The following NT5DC3 variants were observed in gnomAD, a reference collection of about 807,000 sequenced individuals.
The protein encoded by NT5DC3 is 5'-nucleotidase domain-containing protein 3.
NT5DC3 carries 42 observed loss-of-function variants against 67.8 expected under a neutral mutation model. The ratio of observed to expected loss-of-function variants is 0.62; its 90% CI spans 0.48 to 0.80. The LOEUF is 0.80. Ranked by LOEUF, NT5DC3 falls within the 30% of genes least tolerant of loss-of-function variation. The pLI is 0.00. For missense variants in NT5DC3, 570 were observed against 696.4 expected (o/e 0.82, Z 2.04); for synonymous variants, 237 against 255.6 (o/e 0.93, Z 0.69).
the NT5DC3 span, among the ~76,000 whole-genome samples, chr12:103,765,198 G>A: frequency 6.6e-6 from 1 of 151,182 alleles, no homozygotes; most frequent in Non-Finnish European, 1.5e-5. Flanking sequence ...AGAAACAAAT[G>A]CATACATCCT....
chr12:103,820,966 C>T (rs1164181616), intron 1 of NT5DC3: 1 of 152,360 alleles, frequency 6.6e-6, no homozygotes, highest in African/African-American at 2.4e-5. Context: ...ACTTTCCAGA[C>T]ACATGGGGAG....
intron 1 of NT5DC3, among the ~76,000 whole-genome samples, chr12:103,821,237 G>A (rs980017531): frequency 1.3e-5 from 2 of 152,218 alleles, no homozygotes; most frequent in Admixed American, 6.5e-5. Context: ...ATTTGTTATA[G>A]CTGTCTGTAA....
At chr12:103,805,664 G>A (rs1228065699) in intron 4 of NT5DC3, among the ~76,000 whole-genome samples, 1 of 151,868 alleles carries the variant, frequency 6.6e-6, no homozygotes, top group African/African-American at 2.4e-5. Flanking sequence ...TGGCTAATAT[G>A]GTGAAACCCT....
chr12:103,815,731 G>A (rs185357031), intron 1 of NT5DC3, among the ~76,000 whole-genome samples: 1 of 152,186 alleles, frequency 6.6e-6, no homozygotes, highest in Non-Finnish European at 1.5e-5. Context: ...CAATGGTGAT[G>A]GTTGAACACC....
chr12:103,759,357 C>A, the NT5DC3 span: 1 of 1,534,822 alleles, frequency 6.5e-7, no homozygotes, highest in South Asian at 1.2e-5. Context: ...TAATAGATGG[C>A]AACTATTATG....
At chr12:103,821,197 C>CA (rs1393290196) in intron 1 of NT5DC3, among the ~76,000 whole-genome samples, 1 of 152,218 alleles carries the variant, frequency 6.6e-6, no homozygotes, top group Non-Finnish European at 1.5e-5. Context: ...TGGGGGTCCC[C>CA]CAGTAGACTC....
intron 4 of NT5DC3, among the ~76,000 whole-genome samples, chr12:103,801,372 C>CCTTTT (rs1886567309): frequency 3.8e-5 from 3 of 78,946 alleles, no homozygotes; most frequent in African/African-American, 1.6e-4. Context: ...TTGGGGTGGG[C>CCTTTT]TTTTTTTTTT....
chr12:103,766,260 C>A (rs763854938), downstream of NT5DC3: 2 of 1,613,936 alleles, frequency 1.2e-6, no homozygotes, highest in East Asian at 2.2e-5. Flanking sequence ...GAATGCCCTG[C>A]CCCCTTACAA....
chr12:103,757,028 T>A, the NT5DC3 span, among the ~76,000 whole-genome samples: 1 of 143,508 alleles, frequency 7.0e-6, no homozygotes, highest in African/African-American at 2.6e-5. Context: ...TATATATATA[T>A]ATAAAATATA....
At chr12:103,763,526 A>G in the NT5DC3 span, 2 of 1,614,130 alleles carry the variant, frequency 1.2e-6, no homozygotes, top group Non-Finnish European at 1.7e-6. Flanking sequence ...GCTCTTGGCA[A>G]GCAGCAGCCT....
At chr12:103,762,271 C>CA in the NT5DC3 span, 1 of 1,614,034 alleles carries the variant, frequency 6.2e-7, no homozygotes, top group Non-Finnish European at 8.5e-7. Flanking sequence ...TCTTTGTGTT[C>CA]AGACCTTGAC....
At chr12:103,821,979 A>G (rs1051304739) in intron 1 of NT5DC3, 7 of 152,362 alleles carry the variant, frequency 4.6e-5, no homozygotes, top group Admixed American at 1.3e-4. Context: ...AACACCAATC[A>G]GCTATGTGAA....
chr12:103,762,686 G>A, the NT5DC3 span, among the ~76,000 whole-genome samples: 2 of 152,182 alleles, frequency 1.3e-5, no homozygotes, highest in Non-Finnish European at 2.9e-5. Flanking sequence ...TTGGCCTGGA[G>A]GCACATTCAC....
chr12:103,750,560 T>C, the NT5DC3 span: 4 of 1,612,716 alleles, frequency 2.5e-6, no homozygotes, highest in Non-Finnish European at 3.4e-6. Flanking sequence ...TTTCATCTCT[T>C]CCCACTCTCC....
At chr12:103,771,926 CTAGT>C (rs1232057031), downstream of NT5DC3, among the ~76,000 whole-genome samples, 1 of 152,058 alleles carries the variant, frequency 6.6e-6, no homozygotes, top group African/African-American at 2.4e-5. Context: ...GACAGATTTG[CTAGT>C]GAGTCCACCA....
At chr12:103,762,148 A>C in the NT5DC3 span, 1 of 1,320,748 alleles carries the variant, frequency 7.6e-7, no homozygotes, top group Non-Finnish European at 1.0e-6. Context: ...AATAAGGGCC[A>C]GATACATGTT....
chr12:103,826,671 T>C (rs1315290904), intron 1 of NT5DC3, among the ~76,000 whole-genome samples: 1 of 152,248 alleles, frequency 6.6e-6, no homozygotes, highest in Non-Finnish European at 1.5e-5. Flanking sequence ...TATTGTACTG[T>C]TGTCAATCAC....
chr12:103,755,787 T>G, the NT5DC3 span: 2 of 1,477,270 alleles, frequency 1.4e-6, no homozygotes. Context: ...ATTAGAGGGG[T>G]GAGGCCTTAA....
At chr12:103,769,880 G>C (rs576672177), downstream of NT5DC3, among the ~76,000 whole-genome samples, 1 of 152,358 alleles carries the variant, frequency 6.6e-6, no homozygotes, top group South Asian at 2.1e-4. Flanking sequence ...CATGTGAGAG[G>C]AGTGACCAGG....
Sources: allele counts gnomAD v4.1 joint callset (sites outside exome capture counted in the v4.1 genomes callset), GRCh38; gene constraint gnomAD v4.1.1; transcripts MANE v1.5; gene names NCBI Gene and HGNC (gene_info 2026-07-23, HGNC 2026-07-21).